The following RARB variants were observed in gnomAD, a reference collection of about 807,000 sequenced individuals.
RARB encodes retinoic acid receptor beta.
A neutral mutation model predicts 51.9 loss-of-function variants in RARB; 17 were observed. That is an observed-to-expected ratio of 0.33 (90% CI 0.22 to 0.49). The LOEUF (loss-of-function observed/expected upper bound fraction) is 0.49, where lower values mean the gene tolerates loss of function less well. RARB is among the 20% of genes least tolerant of loss of function. The pLI is 0.99. For synonymous variants in RARB, 215 were observed against 195.4 expected, an observed-to-expected ratio of 1.10 and a Z score of -0.84; for missense variants, 369 against 550.8, an observed-to-expected ratio of 0.67 and a Z score of 3.30.
intron 3 of RARB, among the ~76,000 whole-genome samples, chr3:25,541,022 C>A (rs1195767375): frequency 1.3e-5 from 2 of 152,190 alleles, no homozygotes; most frequent in Non-Finnish European, 2.9e-5. Flanking sequence ...AAACTGTGGC[C>A]TGTGGGCCAA....
intron 5 of RARB, among the ~76,000 whole-genome samples, chr3:25,391,819 A>G (rs4681055): frequency 0.15 from 21,910 of 150,934 alleles, 2,113 homozygotes; most frequent in Admixed American, 0.29. Context: ...GATGATGAAG[A>G]TTTTCTCCCA....
intron 2 of RARB, among the ~76,000 whole-genome samples, chr3:24,961,953 A>T (rs4299443): frequency 8.5e-6 from 1 of 118,144 alleles, no homozygotes; most frequent in African/African-American, 3.3e-5. Context: ...TTTTTGAGAC[A>T]GAGTCTTGCT....
intron 3 of RARB, among the ~76,000 whole-genome samples, chr3:25,100,806 C>G (rs180904160): frequency 4.8e-4 from 73 of 152,202 alleles, no homozygotes; most frequent in African/African-American, 1.7e-3. Flanking sequence ...GGTTATATAC[C>G]AAGATTTAAG....
chr3:25,140,803 C>T (rs1156863625), intron 4 of RARB, among the ~76,000 whole-genome samples: 1 of 152,060 alleles, frequency 6.6e-6, no homozygotes, highest in Non-Finnish European at 1.5e-5. Context: ...CACAGCCACC[C>T]AACTAATGCC....
chr3:25,221,673 C>T (rs754370565), intron 5 of RARB, among the ~76,000 whole-genome samples: 1 of 152,154 alleles, frequency 6.6e-6, no homozygotes, highest in Non-Finnish European at 1.5e-5. Flanking sequence ...AGTCACTTCT[C>T]CTCTTCCCTC....
chr3:25,457,258 A>G lies in RARB; in HGVS notation c.158-3935A>G, dbSNP rs145633338. Among the ~76,000 whole-genome samples the G allele has an allele frequency of 4.1e-3, 628 of 152,240 alleles. 3 individuals carry two copies. The highest frequency in any genetic ancestry group is 9.1e-3 in the South Asian group (44 of 4,812). On this transcript the variant is annotated intron_variant, in intron 1 of 7. Coordinates refer to ENST00000330688, the MANE Select transcript of RARB (RefSeq NM_000965.5). The stretch of plus-strand genomic sequence containing the variant: ...TATTATCATTGTTGGTTTATTCTCT[A>G]TTAGGCCAAATTTGTCAAGGATAAG...
intron 5 of RARB, among the ~76,000 whole-genome samples, chr3:25,175,607 C>A (rs1700727556): frequency 6.6e-6 from 1 of 152,170 alleles, no homozygotes; most frequent in African/African-American, 2.4e-5. Context: ...GGTACATTGC[C>A]TTCAAAAATA....
intron 2 of RARB, among the ~76,000 whole-genome samples, chr3:24,979,144 C>T (rs758425252): frequency 3.3e-5 from 5 of 152,170 alleles, no homozygotes; most frequent in Non-Finnish European, 7.3e-5. Context: ...TGTTCTCTTA[C>T]ATTTGCTGAG....
At chr3:25,064,894 T>C (rs1010037538) in intron 3 of RARB, among the ~76,000 whole-genome samples, 2 of 152,220 alleles carry the variant, frequency 1.3e-5, no homozygotes, top group African/African-American at 4.8e-5. Flanking sequence ...GTTCATTTAG[T>C]TGAACAGGAA....
chr3:25,325,531 C>T (rs1223339944), intron 5 of RARB, among the ~76,000 whole-genome samples: 1 of 151,788 alleles, frequency 6.6e-6, no homozygotes, highest in Non-Finnish European at 1.5e-5. Context: ...CTGACAGAAG[C>T]AGACCAAATA....
At chr3:25,385,053 A>C (rs114306044) in intron 5 of RARB, among the ~76,000 whole-genome samples, 300 of 152,298 alleles carry the variant, frequency 2.0e-3, no homozygotes, top group Non-Finnish European at 3.7e-3. Flanking sequence ...CGTAGTAGAT[A>C]CTTAAAGGCA....
chr3:25,049,399 T>C (rs1169181374), intron 2 of RARB, among the ~76,000 whole-genome samples: 1 of 152,212 alleles, frequency 6.6e-6, no homozygotes, highest in African/African-American at 2.4e-5. Context: ...AATTTCAGCA[T>C]TGAATATGGT....
intron 3 of RARB, among the ~76,000 whole-genome samples, chr3:25,117,257 A>G (rs1475626092): frequency 6.6e-6 from 1 of 152,172 alleles, no homozygotes. Flanking sequence ...ACTGCGCCTG[A>G]AGGTGTGTAA....
intron 5 of RARB, among the ~76,000 whole-genome samples, chr3:25,262,224 T>G (rs35508620): frequency 0.1 from 15,582 of 152,204 alleles, 984 homozygotes; most frequent in South Asian, 0.25. Flanking sequence ...CCAGAACCTG[T>G]GCCCAGAGTG....
intron 5 of RARB, among the ~76,000 whole-genome samples, chr3:25,368,941 T>C (rs1438299490): frequency 2.6e-5 from 4 of 152,232 alleles, no homozygotes; most frequent in African/African-American, 4.8e-5. Flanking sequence ...ATCGTTGTTA[T>C]ATGCTCTTTA....
At chr3:25,410,656 ACTGAGTCCT>A in intron 5 of RARB, among the ~76,000 whole-genome samples, 1 of 152,220 alleles carries the variant, frequency 6.6e-6, no homozygotes, top group East Asian at 1.9e-4. Context: ...TTTAACATAA[ACTGAGTCCT>A]CAGGTCCTCT....
At chr3:24,912,975 C>CTTTTTTTTTTTTTTTGTTTTTTTT (rs1695023722) in intron 2 of RARB, among the ~76,000 whole-genome samples, 1 of 75,066 alleles carries the variant, frequency 1.3e-5, no homozygotes, top group Non-Finnish European at 2.6e-5. Context: ...GGTACTGATT[C>CTTTTTTTTTTTTTTTGTTTTTTTT]TTTTTTTTTT....
intron 2 of RARB, among the ~76,000 whole-genome samples, chr3:24,979,192 T>A (rs1696584743): frequency 6.6e-6 from 1 of 152,206 alleles, no homozygotes; most frequent in African/African-American, 2.4e-5. Context: ...AATTTTAGAA[T>A]AAGTGCGATG....
At chr3:25,257,228 G>T (rs892293362) in intron 5 of RARB, among the ~76,000 whole-genome samples, 3 of 152,098 alleles carry the variant, frequency 2.0e-5, no homozygotes, top group Non-Finnish European at 4.4e-5. Flanking sequence ...AGATTGTGCT[G>T]ATGAACCACA....
Sources: allele counts gnomAD v4.1 joint callset (sites outside exome capture counted in the v4.1 genomes callset), GRCh38; gene constraint gnomAD v4.1.1; transcripts MANE v1.5; gene names NCBI Gene and HGNC (gene_info 2026-07-23, HGNC 2026-07-21).